The following SLC24A2 variants were observed in gnomAD, a reference collection of about 807,000 sequenced individuals.
SLC24A2 encodes the protein solute carrier family 24 member 2.
In SLC24A2, 36 loss-of-function variants were observed where a neutral mutation model predicts 62.0. That is an observed-to-expected ratio of 0.58 (90% CI 0.44 to 0.77). The LOEUF is 0.77. Among genes scored for constraint, SLC24A2 ranks in the 30% least tolerant of loss-of-function variants. The pLI is 0.00. For synonymous variants in SLC24A2, 358 were observed against 294.0 expected, an observed-to-expected ratio of 1.22 and a Z score of -2.23; for missense variants, 846 against 817.9, an observed-to-expected ratio of 1.03 and a Z score of -0.42.
intron 8 of SLC24A2, among the ~76,000 whole-genome samples, chr9:19,528,389 T>A (rs1586896050): frequency 6.6e-6 from 1 of 152,306 alleles, no homozygotes; most frequent in African/African-American, 2.4e-5. Flanking sequence ...GAAGAGAATG[T>A]CTGTTAGTTC....
chr9:19,757,419 TTTC>T (rs1365225986), intron 2 of SLC24A2, among the ~76,000 whole-genome samples: 1 of 152,166 alleles, frequency 6.6e-6, no homozygotes, highest in African/African-American at 2.4e-5. Context: ...GTTTCTTTTG[TTTC>T]TTCTTTTCTT....
chr9:20,094,714 T>TA, the SLC24A2 span, among the ~76,000 whole-genome samples: 5 of 152,000 alleles, frequency 3.3e-5, no homozygotes, highest in South Asian at 4.1e-4. Context: ...TTTTATCAGT[T>TA]AAAAAAAATT....
At chr9:20,281,287 C>T in the SLC24A2 span, among the ~76,000 whole-genome samples, 7 of 152,158 alleles carry the variant, frequency 4.6e-5, no homozygotes, top group African/African-American at 1.7e-4. Flanking sequence ...CTTATTTATA[C>T]TTTTTAAGGA....
the SLC24A2 span, among the ~76,000 whole-genome samples, chr9:20,273,484 A>C: frequency 6.6e-6 from 1 of 152,292 alleles, no homozygotes; most frequent in South Asian, 2.1e-4. Context: ...GAGATGATTG[A>C]ATCATGGAGG....
the SLC24A2 span, among the ~76,000 whole-genome samples, chr9:20,116,737 T>C: frequency 6.6e-6 from 1 of 152,110 alleles, no homozygotes; most frequent in Non-Finnish European, 1.5e-5. Context: ...CATAAAGAAA[T>C]GAATTCTAGA....
chr9:19,705,459 G>T, intron 2 of SLC24A2: 1 of 189,352 alleles, frequency 5.3e-6, no homozygotes, highest in East Asian at 1.3e-4. Flanking sequence ...CTCAAGAAGT[G>T]GGCATCCAGT....
chr9:19,582,496 C>T (rs1324376298), intron 5 of SLC24A2, among the ~76,000 whole-genome samples: 2 of 152,062 alleles, frequency 1.3e-5, no homozygotes, highest in Admixed American at 6.6e-5. Flanking sequence ...AAACACAGCT[C>T]GGTGAACAGA....
intron 8 of SLC24A2, among the ~76,000 whole-genome samples, chr9:19,544,824 G>C (rs1279095531): frequency 6.6e-6 from 1 of 152,116 alleles, no homozygotes; most frequent in Non-Finnish European, 1.5e-5. Context: ...TCCCTTTGTG[G>C]GTAACCTGAC....
chr9:19,795,109 T>A, the SLC24A2 span, among the ~76,000 whole-genome samples: 490 of 152,332 alleles, frequency 3.2e-3, 3 homozygotes, highest in African/African-American at 0.011. Context: ...TTGAAAGGAA[T>A]GTCACTATTT....
intron 2 of SLC24A2, among the ~76,000 whole-genome samples, chr9:19,661,735 T>G (rs1169093031): frequency 6.6e-6 from 1 of 152,172 alleles, no homozygotes; most frequent in Non-Finnish European, 1.5e-5. Context: ...AGGCAGCCCT[T>G]GACAAAAAAC....
At chr9:19,646,137 G>T (rs1818632603) in intron 2 of SLC24A2, among the ~76,000 whole-genome samples, 1 of 152,186 alleles carries the variant, frequency 6.6e-6, no homozygotes. Context: ...TAGGCACACA[G>T]CTAATCAGAA....
chr9:20,008,605 T>A, the SLC24A2 span, among the ~76,000 whole-genome samples: 7 of 152,250 alleles, frequency 4.6e-5, no homozygotes, highest in Middle Eastern at 3.4e-3. Context: ...TCCTCTTATA[T>A]TCCCTAAAAG....
chr9:19,536,362 C>G (rs1007798954), intron 8 of SLC24A2, among the ~76,000 whole-genome samples: 3 of 114,610 alleles, frequency 2.6e-5, no homozygotes, highest in Non-Finnish European at 3.4e-5. Flanking sequence ...TCCCCCGACC[C>G]CACCACAGTC....
chr9:20,235,660 C>T, the SLC24A2 span, among the ~76,000 whole-genome samples: 1 of 152,194 alleles, frequency 6.6e-6, no homozygotes, highest in Non-Finnish European at 1.5e-5. Flanking sequence ...AAGGGAATTC[C>T]CTGACCCCTT....
the SLC24A2 span, among the ~76,000 whole-genome samples, chr9:19,882,390 G>T: frequency 0.011 from 1,655 of 152,048 alleles, 20 homozygotes; most frequent in Admixed American, 0.034. Context: ...AAATTTTTAT[G>T]TTCCAGTTCT....
the SLC24A2 span, among the ~76,000 whole-genome samples, chr9:20,265,000 G>A: frequency 1.3e-5 from 2 of 152,180 alleles, no homozygotes; most frequent in Admixed American, 1.3e-4. Flanking sequence ...TCCCAGCCCT[G>A]GTACATCTGG....
At chr9:20,210,866 A>G in the SLC24A2 span, among the ~76,000 whole-genome samples, 1 of 151,122 alleles carries the variant, frequency 6.6e-6, no homozygotes, top group Non-Finnish European at 1.5e-5. Context: ...AGGAGAGGGG[A>G]GAGGAAGAGA....
the SLC24A2 span, among the ~76,000 whole-genome samples, chr9:20,279,185 T>C: frequency 3.3e-5 from 5 of 152,272 alleles, no homozygotes; most frequent in South Asian, 1.0e-3. Flanking sequence ...GAACTACAAT[T>C]TAAGATGAGA....
In SLC24A2 at chr9:19,516,246, G is replaced by C; in HGVS notation, c.1893C>G (p.Ile631Met). 1 of 1,614,202 alleles carries C rather than the reference G, an allele frequency of 6.2e-7. No individual in the cohort carries two copies. Reference protein sequence around the residue: ...IALCKWRMNKILGFIMFGLYF... With the variant: ...IALCKWRMNKMLGFIMFGLYF... ...AGAGGCCAAACATGATGAAGCCCAG[G>C]ATTTTGTTCATTCGCCACTTGCAGA... is the stretch of plus-strand genomic sequence containing the variant. The change falls in exon 11 of 11, where the codon ATC becomes ATG. Residue 631 changes from isoleucine (I) to methionine (M), a missense_variant. Ile to Met is a conservative substitution (Grantham distance 10). Transcript: ENST00000341998.
Sources: allele counts gnomAD v4.1 joint callset (sites outside exome capture counted in the v4.1 genomes callset), GRCh38; gene constraint gnomAD v4.1.1; transcripts MANE v1.5; gene names NCBI Gene and HGNC (gene_info 2026-07-23, HGNC 2026-07-21).